Variants in SNRPN observed in about 807,000 individuals in gnomAD.
The protein encoded by SNRPN is small nuclear ribonucleoprotein-associated protein N.
In SNRPN, 7 loss-of-function variants were observed where a neutral mutation model predicts 25.2. That is an observed-to-expected ratio of 0.28 (90% CI 0.16 to 0.52). The LOEUF is 0.52. Among genes scored for constraint, SNRPN ranks in the 20% least tolerant of loss-of-function variants. The pLI, the probability that SNRPN is intolerant of heterozygous loss-of-function variation, is 0.96. For missense variants in SNRPN, 196 were observed against 322.5 expected (o/e 0.61, Z 3.00); for synonymous variants, 124 against 110.6 (o/e 1.12, Z -0.76).
rs1160003126 is a variant in SNRPN, at chr15:24,974,392, C to T, written c.-62C>T. The T allele has an allele frequency of 1.3e-6, 2 of 1,531,752 alleles. No homozygotes were observed. Among genetic ancestry groups the T allele is most frequent in the African/African-American group, 1.4e-5 (1 of 73,102 alleles). The allele number at this position is 1,531,752 out of a possible 1,614,324, so 94.9% of individuals were successfully genotyped here. A position where few individuals can be genotyped will look rare whatever the true frequency, so the allele number is the denominator to read the frequency against. ...CGTCATACCTTTATCTATAGCCTTC[C>T]CCTAGGTCTTCAGAAGCATCAAGTT... On this transcript the variant is annotated 5_prime_UTR_variant, in exon 4 of 10. Transcript: ENST00000390687.
At position 24,945,813 on chromosome 15, in the gene SNRPN, A is replaced by T. The variant is rs549968595; in HGVS notation, c.-390-16301A>T. 4.6e-5 allele frequency among the ~76,000 whole-genome samples: 7 copies of T among 152,218 alleles called. No individual in the cohort carries two copies. The East Asian group carries it at 1.4e-3, about 29-fold the overall frequency. On this transcript the variant is annotated intron_variant, in intron 3 of 11. Transcript: ENST00000400097. Reference sequence around the variant, plus strand: ...TAGTCTTTTTCCAGCTGCTCCCTAGATTGAGGCGGGAGAGGAGAAATTCAG... The same window carrying T: ...TAGTCTTTTTCCAGCTGCTCCCTAGTTTGAGGCGGGAGAGGAGAAATTCAG...
rs1350442997 is a variant in SNRPN at position 24,965,011 on chromosome 15, T to G, written c.-295+2802T>G. The stretch of plus-strand genomic sequence containing the variant: ...GTAGAGTTAGGGAAATAGTATAATT[T>G]TTCCCCCTTGTGCGTTTTCATTTTG... On this transcript the variant is annotated intron_variant, in intron 2 of 9. Coordinates refer to ENST00000390687, the MANE Select transcript of SNRPN (RefSeq NM_003097.6). 3.3e-5 allele frequency among the ~76,000 whole-genome samples: 5 copies of G among 152,196 alleles called. No individual in the cohort carries two copies. In the East Asian group the frequency reaches 9.6e-4, roughly 29 times the overall value.
At chr15:24,878,186 T>C (rs2056174021) in intron 1 of SNRPN, among the ~76,000 whole-genome samples, 1 of 152,228 alleles carries the variant, frequency 6.6e-6, no homozygotes, top group Admixed American at 6.5e-5. Flanking sequence ...TTTAAAACGC[T>C]TTCCAATCTG....
intron 2 of SNRPN, among the ~76,000 whole-genome samples, chr15:24,894,206 C>G (rs2057902245): frequency 6.6e-6 from 1 of 150,668 alleles, no homozygotes; most frequent in Middle Eastern, 3.2e-3. Flanking sequence ...AGTGGAAAAC[C>G]AAGCCAAATT....
chr15:24,859,309 CA>C lies in SNRPN; in HGVS notation c.-579+2603del, dbSNP rs201796591. Among the ~76,000 whole-genome samples the C allele has an allele frequency of 3.8e-3, 552 of 146,454 alleles. 19 individuals carry two copies. The East Asian group carries it at 0.082, about 22-fold the overall frequency. On this transcript the variant is annotated intron_variant, in intron 1 of 11. Coordinates refer to the SNRPN transcript ENST00000400097. ...GAGCATTATTCCCAACCATTCAATCCAAAAAAAAAAGTAGACCAGGATTGAT... is the reference window on the plus strand; with the variant it reads ...GAGCATTATTCCCAACCATTCAATCCAAAAAAAAAGTAGACCAGGATTGAT...
intron 1 of SNRPN, among the ~76,000 whole-genome samples, chr15:24,961,740 T>C (rs944357802): frequency 3.3e-5 from 5 of 152,346 alleles, no homozygotes; most frequent in African/African-American, 1.2e-4. Context: ...GAAACCATTT[T>C]GGAAATCAGG....
intron 2 of SNRPN, among the ~76,000 whole-genome samples, chr15:24,842,857 T>G (rs1018237961): frequency 6.6e-6 from 1 of 152,200 alleles, no homozygotes; most frequent in Non-Finnish European, 1.5e-5. Flanking sequence ...CCCCAAAAGT[T>G]CCTTGTAGTA....
intron 2 of SNRPN, among the ~76,000 whole-genome samples, chr15:24,834,070 C>CAT (rs1423881408): frequency 6.6e-6 from 1 of 152,060 alleles, no homozygotes; most frequent in African/African-American, 2.4e-5. Flanking sequence ...GGATTACAGG[C>CAT]GCCTGCCACC....
chr15:24,965,223 G>T (rs891722531), intron 2 of SNRPN, among the ~76,000 whole-genome samples: 4 of 152,112 alleles, frequency 2.6e-5, no homozygotes, highest in African/African-American at 7.2e-5. Flanking sequence ...TGGAGGAGTT[G>T]TGTGGTTATT....
chr15:24,917,885 T>C (rs546173088), intron 2 of SNRPN, among the ~76,000 whole-genome samples: 32 of 152,354 alleles, frequency 2.1e-4, no homozygotes, highest in African/African-American at 7.7e-4. Flanking sequence ...TATACTTTTT[T>C]CTTTTCGTTC....
At chr15:24,955,704 G>A (rs1020680835) in intron 1 of SNRPN, among the ~76,000 whole-genome samples, 3 of 150,572 alleles carry the variant, frequency 2.0e-5, no homozygotes, top group Non-Finnish European at 4.4e-5. Context: ...TGGTGGTCGC[G>A]GCGCGGGGAG....
intron 2 of SNRPN, among the ~76,000 whole-genome samples, chr15:24,834,448 G>A (rs1482933834): frequency 6.6e-6 from 1 of 152,026 alleles, no homozygotes; most frequent in Non-Finnish European, 1.5e-5. Flanking sequence ...GGAGCTTACA[G>A]CTCAGACAGC....
Position 24,871,946 on chromosome 15 carries a change from T to C in SNRPN, c.-578-14570T>C, listed in dbSNP as rs1359853041. ...GGTCTCGATCTCCTGACTTCATGAT[T>C]CGCCCACCTCAGCCTCCCAAAGTGC... On this transcript the variant is annotated intron_variant, in intron 1 of 11. Transcript: ENST00000400097. Among the ~76,000 whole-genome samples the C allele has an allele frequency of 6.7e-5, 8 of 119,420 alleles. 1 individual carries two copies. Among genetic ancestry groups the C allele is most frequent in the South Asian group, 6.1e-4 (2 of 3,298 alleles). 78.3% of individuals were successfully genotyped at this position (119,420 alleles called of 152,430 possible). A position where few individuals can be genotyped will look rare whatever the true frequency, so the allele number is the denominator to read the frequency against.
chr15:24,923,422 A>G (rs1595926444), intron 3 of SNRPN, among the ~76,000 whole-genome samples: 1 of 152,208 alleles, frequency 6.6e-6, no homozygotes, highest in Non-Finnish European at 1.5e-5. Context: ...ACTACCTGCT[A>G]TTACCTACAA....
At chr15:24,915,163 T>C (rs1381037511) in intron 2 of SNRPN, among the ~76,000 whole-genome samples, 2 of 152,086 alleles carry the variant, frequency 1.3e-5, no homozygotes, top group African/African-American at 4.8e-5. Context: ...AGTCTCGCTC[T>C]GTCATCCAGG....
intron 3 of SNRPN, among the ~76,000 whole-genome samples, chr15:24,922,393 C>T (rs2060084421): frequency 6.6e-6 from 1 of 152,166 alleles, no homozygotes; most frequent in Non-Finnish European, 1.5e-5. Context: ...CTATTTTTCT[C>T]AAACTTGTTT....
At chr15:24,893,475 G>C (rs565555229) in intron 2 of SNRPN, among the ~76,000 whole-genome samples, 1 of 152,022 alleles carries the variant, frequency 6.6e-6, no homozygotes, top group South Asian at 2.1e-4. Context: ...AAAATTAGCT[G>C]GGTGTGGTGG....
At chr15:24,861,340 T>C (rs1208531469) in intron 1 of SNRPN, among the ~76,000 whole-genome samples, 1 of 152,168 alleles carries the variant, frequency 6.6e-6, no homozygotes. Context: ...CTGAATACTA[T>C]AAGCAATTGT....
intron 2 of SNRPN, among the ~76,000 whole-genome samples, chr15:24,842,681 T>C (rs368683353): frequency 2.0e-5 from 3 of 152,176 alleles, no homozygotes; most frequent in Admixed American, 6.5e-5. Context: ...GTGACATTCC[T>C]TAGGAAGGGC....
Sources: gnomAD v4.1 joint callset for allele counts (sites outside exome capture counted in the v4.1 genomes callset) on GRCh38, gnomAD v4.1.1 for gene constraint, MANE v1.5 for transcripts, NCBI Gene and HGNC (gene_info 2026-07-23, HGNC 2026-07-21) for gene names.